Variants in MMP13 observed in about 807,000 individuals in gnomAD.
The protein encoded by MMP13 is collagenase 3.
In MMP13, 45 loss-of-function variants were observed where a neutral mutation model predicts 52.1. The ratio of observed to expected loss-of-function variants is 0.86; its 90% CI spans 0.68 to 1.11. The LOEUF is 1.11. Ranked by LOEUF, MMP13 falls within the 50% of genes least tolerant of loss-of-function variation. The pLI is 0.00. For synonymous variants in MMP13, 200 were observed against 204.4 expected (o/e 0.98, Z 0.18); for missense variants, 576 against 583.8 (o/e 0.99, Z 0.14).
intron 8 of MMP13, among the ~76,000 whole-genome samples, chr11:102,946,697 C>T (rs1441528888): frequency 6.6e-6 from 1 of 152,172 alleles, no homozygotes; most frequent in Admixed American, 6.5e-5. Context: ...ATATAAAAAA[C>T]AGCATATCTG....
Position 102,947,950 on chromosome 11 carries a change from T to C in MMP13, c.1152A>G (p.Ala384=). The C allele has an allele frequency of 1.2e-6, 2 of 1,614,016 alleles. No individual in the cohort carries two copies. The highest frequency in any genetic ancestry group is 1.7e-6 in the Non-Finnish European group (2 of 1,179,918). ...GLPKEVKKIS[A]AVHFEDTGKT... Reference sequence around the variant, plus strand: ...TGCCTGTATCCTCAAAGTGAACAGCTGCACTTATCTTCTTAACTTCTTTTG... The same window carrying C: ...TGCCTGTATCCTCAAAGTGAACAGCCGCACTTATCTTCTTAACTTCTTTTG... The change falls in exon 8 of 10, where the codon GCA becomes GCG. Residue 384 remains alanine (A), a synonymous_variant. Transcript: ENST00000260302.
chr11:102,948,196 CATAAAA>C, intron 7 of MMP13, 146 bp from the exon 8 acceptor site: 1 of 692,306 alleles, frequency 1.4e-6, no homozygotes, highest in East Asian at 2.8e-5. Flanking sequence ...GTTTATGAAA[CATAAAA>C]ATATAAGCAT....
chr11:102,944,245 T>C lies in MMP13; in HGVS notation c.*21A>G. The C allele has an allele frequency of 3.8e-6, 6 of 1,579,374 alleles. No homozygotes were observed. The highest frequency in any genetic ancestry group is 5.2e-6 in the Non-Finnish European group (6 of 1,149,128). ...CCCCAAATGCTCTTCAGGATTTAAATAACAATTTTTAAAAAGACACTTAAC... is the reference window on the plus strand; with the variant it reads ...CCCCAAATGCTCTTCAGGATTTAAACAACAATTTTTAAAAAGACACTTAAC... On this transcript the variant is annotated 3_prime_UTR_variant, in exon 10 of 10. Coordinates refer to ENST00000260302, the MANE Select transcript of MMP13 (RefSeq NM_002427.4).
chr11:102,951,163 G>C (rs1295522417), intron 5 of MMP13, among the ~76,000 whole-genome samples: 1 of 152,000 alleles, frequency 6.6e-6, no homozygotes, highest in African/African-American at 2.4e-5. Flanking sequence ...GAAGTGAAAA[G>C]GAAGAATTTT....
intron 5 of MMP13, 134 bp from the exon 6 acceptor site, chr11:102,950,361 C>T (rs1489422510): frequency 2.8e-5 from 22 of 793,912 alleles, no homozygotes; most frequent in Non-Finnish European, 4.1e-5. Context: ...TCCTGGGGCT[C>T]CTACATCATG....
Position 102,954,187 on chromosome 11 carries a change from A to G in MMP13, c.606T>C (p.Asp202=). The G allele has an allele frequency of 1.2e-6, 2 of 1,613,616 alleles. No homozygotes were observed. The highest frequency in any genetic ancestry group is 1.7e-6 in the Non-Finnish European group (2 of 1,179,696). Residue 202 remains aspartate, a synonymous_variant, in exon 4 of 10, where the codon GAT becomes GAC. Coordinates refer to ENST00000260302, the MANE Select transcript of MMP13 (RefSeq NM_002427.4). ...GPNYGGDAHF[D]DDETWTSSSK... ...AACTACTTGTCCAGGTTTCATCATC[A>G]TCAAAATGGGCATCTCCTCCATAAT...
chr11:102,950,080 A>G, intron 6 of MMP13, 30 bp downstream of exon 6: 2 of 1,553,556 alleles, frequency 1.3e-6, no homozygotes, highest in Non-Finnish European at 1.8e-6. Context: ...TTTGTCGCAT[A>G]CAGACTTTAT....
At chr11:102,948,884 T>C in intron 7 of MMP13, 141 bp downstream of exon 7, 1 of 1,153,032 alleles carries the variant, frequency 8.7e-7, no homozygotes, top group Non-Finnish European at 1.3e-6. Flanking sequence ...TTCAGGTACT[T>C]TCTGGCTTCC....
intron 5 of MMP13, among the ~76,000 whole-genome samples, chr11:102,950,723 A>G (rs1860598040): frequency 1.3e-5 from 2 of 152,124 alleles, no homozygotes; most frequent in South Asian, 4.1e-4. Flanking sequence ...CCAGGCCTTC[A>G]GCACTTATGT....
chr11:102,945,381 C>A, intron 9 of MMP13: 2 of 846,516 alleles, frequency 2.4e-6, no homozygotes, highest in Non-Finnish European at 3.2e-6. Context: ...ATTTTGGCAT[C>A]TTTAAGCATA....
chr11:102,949,275 C>A lies in MMP13; in HGVS notation c.918-117G>T, dbSNP rs1263557204. On this transcript the variant is annotated intron_variant, in intron 6 of 9. Transcript: ENST00000260302. This position sits in a 1 kb window ranked among gnomAD's most constrained non-coding sequence, Gnocchi z 4.2. Reference sequence around the variant, plus strand: ...AGTTAGATACAACCAATACCTCCCACCTGTGAAGGGAAAAAAAATTCCATT... The same window carrying A: ...AGTTAGATACAACCAATACCTCCCAACTGTGAAGGGAAAAAAAATTCCATT... 3.1e-6 allele frequency: 4 copies of A among 1,308,434 alleles called. No homozygotes were observed. Among genetic ancestry groups the A allele is most frequent in the Non-Finnish European group, 4.3e-6 (4 of 938,362 alleles). 81.1% of individuals were successfully genotyped at this position (1,308,434 alleles called of 1,614,324 possible). A position where few individuals can be genotyped will look rare whatever the true frequency, so the allele number is the denominator to read the frequency against.
At chr11:102,948,856 G>T (rs1202066886) in intron 7 of MMP13, among the ~76,000 whole-genome samples, 169 bp downstream of exon 7, 1 of 152,146 alleles carries the variant, frequency 6.6e-6, no homozygotes, top group Non-Finnish European at 1.5e-5. Flanking sequence ...TCAATTTGGA[G>T]ATTCATGGTA....
chr11:102,943,037 C>T lies in MMP13; in HGVS notation c.*1229G>A, dbSNP rs782349637. ...TTTATTATAAACAACATAAACACTT[C>T]CTAATACACTTTGCAAATATGCATT... On this transcript the variant is annotated 3_prime_UTR_variant, in exon 10 of 10. Transcript: ENST00000260302. 1 of 152,202 alleles carries T rather than the reference C, an allele frequency of 6.6e-6. No homozygotes were observed. The highest frequency in any genetic ancestry group is 2.1e-4 in the South Asian group (1 of 4,832). The allele number at this position is 152,202 out of a possible 1,614,324, so 9.4% of individuals were successfully genotyped here.
rs752206910 is a variant in MMP13, at chr11:102,955,714, G to A, written c.-9C>T. ...AGGACCCCTGGATGCATCTTGAATG[G>A]TGATGCCTGGGGACTGTTGTCTTTC... On this transcript the variant is annotated 5_prime_UTR_variant, in exon 1 of 10. Coordinates refer to ENST00000260302, the MANE Select transcript of MMP13 (RefSeq NM_002427.4). The surrounding 1 kb of genome is among the most constrained non-coding windows in gnomAD (Gnocchi z 4.9). The A allele has an allele frequency of 6.2e-7, 1 of 1,613,864 alleles. No individual in the cohort carries two copies. Among genetic ancestry groups the A allele is most frequent in the Non-Finnish European group, 8.5e-7 (1 of 1,179,842 alleles).
chr11:102,947,850 C>A (rs750941699), intron 8 of MMP13, 41 bp downstream of exon 8: 6 of 1,609,470 alleles, frequency 3.7e-6, no homozygotes, highest in Middle Eastern at 1.6e-4. Context: ...AGGCACTTTG[C>A]GGCTATGACA....
intron 5 of MMP13, 118 bp from the exon 6 acceptor site, chr11:102,950,345 TG>T: frequency 1.2e-6 from 1 of 855,794 alleles, no homozygotes; most frequent in Non-Finnish European, 2.0e-6. Context: ...CAGGAAAAGC[TG>T]TAGGTCCTGG....
rs1860577085 is a variant in MMP13 at position 102,949,715 on chromosome 11, CTCAAATTCCAACATGTATCTAGAA to C, written c.917+371_917+394del. ...TTTCTGGGTTCATTTCATTTCATCC[CTCAAATTCCAACATGTATCTAGAA>C]TCAAAGTCTTTCCATACCAAAACGA... On this transcript the variant is annotated intron_variant, in intron 6 of 9. Transcript: ENST00000260302. The surrounding 1 kb of genome is among the most constrained non-coding windows in gnomAD (Gnocchi z 4.2). Among the ~76,000 whole-genome samples the C allele has an allele frequency of 6.6e-6, 1 of 152,094 alleles. No homozygotes were observed. Among genetic ancestry groups the C allele is most frequent in the Admixed American group, 6.6e-5 (1 of 15,252 alleles).
chr11:102,945,700 C>A lies in MMP13; in HGVS notation c.1261G>T (p.Glu421Ter). Residue 421 changes from glutamate to a stop codon, truncating the protein, a stop_gained, in exon 9 of 10, where the codon GAA (glutamate) becomes TAA (stop). Coordinates refer to ENST00000260302, the MANE Select transcript of MMP13 (RefSeq NM_002427.4). LOFTEE classifies it high-confidence loss of function. Reference protein sequence around the residue: ...IMDKDYPRLIEEDFPGIGDKV... With the variant: ...IMDKDYPRLI ...TCACCAATTCCTGGGAAGTCTTCTT[C>A]TATTAGTCTCGGATAGTCTTTATCC... 1 of 1,604,966 alleles carries A rather than the reference C, an allele frequency of 6.2e-7. No individual in the cohort carries two copies. The highest frequency in any genetic ancestry group is 8.5e-7 in the Non-Finnish European group (1 of 1,172,756).
chr11:102,949,823 T>A lies in MMP13; in HGVS notation c.917+287A>T, dbSNP rs1353704218. Among the ~76,000 whole-genome samples the A allele has an allele frequency of 6.6e-6, 1 of 152,208 alleles. No homozygotes were observed. The highest frequency in any genetic ancestry group is 1.5e-5 in the Non-Finnish European group (1 of 68,034). Reference sequence around the variant, plus strand: ...ATACAGCAGTTACTTTCAATGCTTGTCTGTTTTTAAAACAAATGGGATTTC... The same window carrying A: ...ATACAGCAGTTACTTTCAATGCTTGACTGTTTTTAAAACAAATGGGATTTC... On this transcript the variant is annotated intron_variant, in intron 6 of 9. Transcript: ENST00000260302. This position sits in a 1 kb window ranked among gnomAD's most constrained non-coding sequence, Gnocchi z 4.2.
Sources: allele counts gnomAD v4.1 joint callset (sites outside exome capture counted in the v4.1 genomes callset), GRCh38; gene constraint gnomAD v4.1.1; non-coding constraint Gnocchi (gnomAD v3.1); transcripts MANE v1.5; gene names NCBI Gene and HGNC (gene_info 2026-07-23, HGNC 2026-07-21).